KITLG: variants seen among roughly 807,000 people sequenced by gnomAD.
KITLG encodes KIT ligand, also known as c-Kit ligand.
A neutral mutation model predicts 34.1 loss-of-function variants in KITLG; 13 were observed. The observed-to-expected ratio is 0.38, with a 90% CI of 0.25 to 0.61. The LOEUF (loss-of-function observed/expected upper bound fraction) is 0.61. Among genes scored for constraint, KITLG ranks in the 20% least tolerant of loss-of-function variants. The probability of loss-of-function intolerance (pLI) is 0.60; values close to 1 mark genes in which losing one functional copy is unlikely to be tolerated. For missense variants in KITLG, 292 were observed against 318.9 expected, an observed-to-expected ratio of 0.92 and a Z score of 0.64; for synonymous variants, 110 against 104.0, an observed-to-expected ratio of 1.06 and a Z score of -0.35.
chr12:88,507,950 G>A (rs1233363553), intron 6 of KITLG, among the ~76,000 whole-genome samples: 1 of 152,052 alleles, frequency 6.6e-6, no homozygotes, highest in Non-Finnish European at 1.5e-5. Flanking sequence ...ACTTTGGGAG[G>A]CCGAGTCAAG....
intron 1 of KITLG, among the ~76,000 whole-genome samples, chr12:88,563,678 TG>T (rs1334315967): frequency 6.6e-6 from 1 of 152,160 alleles, no homozygotes; most frequent in South Asian, 2.1e-4. Context: ...AAGGAAGATG[TG>T]GCCGGGCGCA....
At chr12:88,527,401 G>A (rs1869914437) in intron 3 of KITLG, among the ~76,000 whole-genome samples, 1 of 152,212 alleles carries the variant, frequency 6.6e-6, no homozygotes, top group African/African-American at 2.4e-5. Context: ...AAAAAAAGAT[G>A]AGAATAGCCA....
At chr12:88,508,081 G>A (rs986440206) in intron 6 of KITLG, among the ~76,000 whole-genome samples, 3 of 152,040 alleles carry the variant, frequency 2.0e-5, no homozygotes, top group Admixed American at 1.3e-4. Context: ...CGGCTACTAC[G>A]GAGGCTGAGG....
intron 3 of KITLG, among the ~76,000 whole-genome samples, chr12:88,523,772 T>A (rs1440929248): frequency 6.6e-6 from 1 of 152,182 alleles, no homozygotes; most frequent in Non-Finnish European, 1.5e-5. Context: ...TAACTTCTCT[T>A]TGGATTAGCT....
chr12:88,508,588 G>A (rs1435176508), intron 6 of KITLG, among the ~76,000 whole-genome samples: 1 of 149,448 alleles, frequency 6.7e-6, no homozygotes, highest in African/African-American at 2.5e-5. Context: ...TGTGTGTTGG[G>A]GGAGGAGACA....
At chr12:88,574,360 G>T (rs984114531) in intron 1 of KITLG, among the ~76,000 whole-genome samples, 1 of 152,078 alleles carries the variant, frequency 6.6e-6, no homozygotes, top group Non-Finnish European at 1.5e-5. Context: ...CTCAGCTAAG[G>T]AAAGGAGGTA....
chr12:88,556,154 A>G (rs1296491472), intron 1 of KITLG, among the ~76,000 whole-genome samples: 1 of 151,994 alleles, frequency 6.6e-6, no homozygotes, highest in Non-Finnish European at 1.5e-5. Context: ...GTGTGGAAAC[A>G]AGGCATGTTC....
chr12:88,522,820 C>A (rs933624301), intron 3 of KITLG, among the ~76,000 whole-genome samples: 1 of 152,182 alleles, frequency 6.6e-6, no homozygotes, highest in Non-Finnish European at 1.5e-5. Flanking sequence ...TTCACTGAAG[C>A]ACTTTACATT....
intron 3 of KITLG, among the ~76,000 whole-genome samples, chr12:88,528,500 AAAAAAC>A (rs935608966): frequency 2.6e-5 from 4 of 152,228 alleles, no homozygotes; most frequent in South Asian, 2.1e-4. Flanking sequence ...TGCAAAAAAC[AAAAAAC>A]AAAAACAAAA....
chr12:88,499,601 T>C (rs1868776976), intron 9 of KITLG, among the ~76,000 whole-genome samples: 1 of 152,168 alleles, frequency 6.6e-6, no homozygotes, highest in Non-Finnish European at 1.5e-5. Context: ...AGTTCCAGTC[T>C]AACATATTTG....
intron 1 of KITLG, among the ~76,000 whole-genome samples, chr12:88,566,320 T>C (rs1023297246): frequency 3.3e-5 from 5 of 152,224 alleles, no homozygotes; most frequent in African/African-American, 9.6e-5. Context: ...ATTAAATTCA[T>C]AGTTTAGTTC....
At chr12:88,497,267 CA>C (rs753221764) in intron 9 of KITLG, 86 bp from the exon 10 acceptor site, 1 of 288,438 alleles carries the variant, frequency 3.5e-6, no homozygotes, top group Non-Finnish European at 7.1e-6. Context: ...CATATATGAC[CA>C]CAGAATGAGT....
intron 2 of KITLG, among the ~76,000 whole-genome samples, chr12:88,541,624 T>C (rs1870522157): frequency 6.6e-6 from 1 of 152,192 alleles, no homozygotes; most frequent in African/African-American, 2.4e-5. Context: ...TTCATCCTCT[T>C]CCCAGATACT....
At chr12:88,580,166 C>T in intron 1 of KITLG, 98 bp downstream of exon 1, 2 of 1,300,406 alleles carry the variant, frequency 1.5e-6, no homozygotes, top group Non-Finnish European at 2.2e-6. Context: ...CAGCCCTGCA[C>T]GCCCCAGCTG....
chr12:88,511,648 T>C (rs1306998179), intron 6 of KITLG, among the ~76,000 whole-genome samples: 2 of 151,906 alleles, frequency 1.3e-5, no homozygotes, highest in African/African-American at 4.8e-5. Context: ...TCACAAAACC[T>C]GACCAAAAAA....
chr12:88,537,676 A>G (rs1020627530), intron 2 of KITLG, among the ~76,000 whole-genome samples: 6 of 143,210 alleles, frequency 4.2e-5, no homozygotes, highest in African/African-American at 1.5e-4. Context: ...CTAAAATCTG[A>G]AAAAAAAAAA....
At chr12:88,556,047 G>A (rs906343099) in intron 1 of KITLG, among the ~76,000 whole-genome samples, 18 of 151,962 alleles carry the variant, frequency 1.2e-4, no homozygotes, top group Non-Finnish European at 2.2e-4. Context: ...GATAGTTTCT[G>A]GGGGGAGAAG....
Position 88,545,863 on chromosome 12 carries a change from A to G in KITLG, c.18T>C (p.Thr6=). 2 of 1,594,604 alleles carry G rather than the reference A, an allele frequency of 1.3e-6. No individual in the cohort carries two copies. The highest frequency in any genetic ancestry group is 1.7e-6 in the Non-Finnish European group (2 of 1,162,560). Reference sequence around the variant, plus strand: ...GAAGATAAATGCAAGTGAGAATCCAAGTCTAAATGAAAACAGAAAAATTGC... The same window carrying G: ...GAAGATAAATGCAAGTGAGAATCCAGGTCTAAATGAAAACAGAAAAATTGC... MKKTQ[T]WILTCIYLQL... is the part of the protein sequence containing the mutation. The change falls in exon 2 of 10, where the codon ACT becomes ACC. Residue 6 remains threonine (T), a splice_region_variant and synonymous_variant. Transcript: ENST00000644744.
chr12:88,523,938 A>G (rs943865540), intron 3 of KITLG, among the ~76,000 whole-genome samples: 1 of 152,204 alleles, frequency 6.6e-6, no homozygotes, highest in East Asian at 1.9e-4. Context: ...AGCACTCTAA[A>G]TATGTGTTAT....
Sources: allele counts gnomAD v4.1 joint callset (sites outside exome capture counted in the v4.1 genomes callset), GRCh38; gene constraint gnomAD v4.1.1; transcripts MANE v1.5; gene names NCBI Gene and HGNC (gene_info 2026-07-23, HGNC 2026-07-21).